TMEFF2: variants seen among roughly 807,000 people sequenced by gnomAD.
The protein encoded by TMEFF2 is transmembrane protein with EGF like and two follistatin like domains 2, also known as tomoregulin-2.
In TMEFF2, 28 loss-of-function variants were observed where a neutral mutation model predicts 53.8. That is an observed-to-expected ratio of 0.52 (90% CI 0.39 to 0.71). TMEFF2 has a LOEUF of 0.71. TMEFF2 is among the 30% of genes least tolerant of loss of function. The pLI, the probability that TMEFF2 is intolerant of heterozygous loss-of-function variation, is 0.00. For synonymous variants in TMEFF2, 162 were observed against 166.3 expected (o/e 0.97, Z 0.20); for missense variants, 353 against 455.2 (o/e 0.78, Z 2.04).
chr2:192,050,642 G>A (rs1294869908), intron 5 of TMEFF2, among the ~76,000 whole-genome samples: 1 of 152,104 alleles, frequency 6.6e-6, no homozygotes, highest in Non-Finnish European at 1.5e-5. Context: ...GCAGAGAGAA[G>A]TTTGGATTGC....
chr2:191,971,858 G>A (rs919882125), intron 7 of TMEFF2, among the ~76,000 whole-genome samples: 15 of 152,124 alleles, frequency 9.9e-5, no homozygotes, highest in African/African-American at 3.4e-4. Context: ...GGAAAAAATA[G>A]GGTGCTCAGA....
chr2:192,034,174 CAAAAAAAA>C (rs5837274), intron 5 of TMEFF2, among the ~76,000 whole-genome samples: 2 of 105,360 alleles, frequency 1.9e-5, no homozygotes, highest in South Asian at 3.4e-4. Flanking sequence ...GACTCCATTT[CAAAAAAAA>C]AAAAAAAAAA....
At chr2:192,115,449 C>G in intron 4 of TMEFF2, among the ~76,000 whole-genome samples, 1 of 151,780 alleles carries the variant, frequency 6.6e-6, no homozygotes. Context: ...GATAGAACAC[C>G]AAAAGCACAG....
intron 4 of TMEFF2, among the ~76,000 whole-genome samples, chr2:192,069,487 G>A (rs1028845010): frequency 6.6e-6 from 1 of 150,844 alleles, no homozygotes; most frequent in Non-Finnish European, 1.5e-5. Flanking sequence ...TATGAAAGAA[G>A]ACATGCCCAT....
chr2:192,131,709 C>T (rs1689835903), intron 4 of TMEFF2, among the ~76,000 whole-genome samples: 2 of 152,144 alleles, frequency 1.3e-5, no homozygotes, highest in Admixed American at 1.3e-4. Flanking sequence ...CTTCCACCTT[C>T]CATTCCTCCT....
chr2:192,112,268 A>G (rs1689299219), intron 4 of TMEFF2, among the ~76,000 whole-genome samples: 1 of 152,190 alleles, frequency 6.6e-6, no homozygotes, highest in African/African-American at 2.4e-5. Context: ...GCAAAGCAAC[A>G]GGGGCAGAGC....
At chr2:191,990,855 C>T (rs1034093768) in intron 7 of TMEFF2, among the ~76,000 whole-genome samples, 1 of 151,602 alleles carries the variant, frequency 6.6e-6, no homozygotes, top group African/African-American at 2.4e-5. Context: ...AACAGAAATA[C>T]ATTTCCATAT....
chr2:192,113,652 T>A (rs1272540100), intron 4 of TMEFF2, among the ~76,000 whole-genome samples: 1 of 152,084 alleles, frequency 6.6e-6, no homozygotes, highest in Non-Finnish European at 1.5e-5. Context: ...TCCCTAGAAA[T>A]AGTAGAGGAA....
intron 4 of TMEFF2, among the ~76,000 whole-genome samples, chr2:192,150,274 C>A (rs796830479): frequency 2.2e-4 from 33 of 151,912 alleles, no homozygotes; most frequent in African/African-American, 8.0e-4. Context: ...AATAATCAGG[C>A]TGACGTTGAC....
intron 5 of TMEFF2, among the ~76,000 whole-genome samples, chr2:192,034,466 G>T (rs1439732956): frequency 3.3e-5 from 5 of 152,038 alleles, no homozygotes; most frequent in Non-Finnish European, 4.4e-5. Flanking sequence ...GAACAAAAAT[G>T]GATTTACCTT....
intron 7 of TMEFF2, among the ~76,000 whole-genome samples, chr2:191,956,857 A>T (rs80044431): frequency 0.011 from 1,751 of 152,346 alleles, 29 homozygotes; most frequent in African/African-American, 0.04. Context: ...AACCGAATGC[A>T]AATTTCAACA....
intron 4 of TMEFF2, among the ~76,000 whole-genome samples, chr2:192,172,427 T>C (rs1420012941): frequency 2.0e-5 from 3 of 151,958 alleles, no homozygotes; most frequent in African/African-American, 7.2e-5. Flanking sequence ...CAGTAAGTAC[T>C]GGCCAGTAGC....
intron 5 of TMEFF2, among the ~76,000 whole-genome samples, chr2:192,001,644 G>T (rs754321603): frequency 6.6e-6 from 1 of 152,088 alleles, no homozygotes; most frequent in Non-Finnish European, 1.5e-5. Context: ...AATCATGGGG[G>T]CAGGTATTTC....
chr2:191,972,775 C>T (rs1692686107), intron 7 of TMEFF2, among the ~76,000 whole-genome samples: 1 of 151,984 alleles, frequency 6.6e-6, no homozygotes, highest in Admixed American at 6.6e-5. Flanking sequence ...CTATTTTGTA[C>T]AATGGGAAAA....
chr2:192,007,182 A>G (rs1307931265), intron 5 of TMEFF2, among the ~76,000 whole-genome samples: 1 of 152,200 alleles, frequency 6.6e-6, no homozygotes, highest in Non-Finnish European at 1.5e-5. Flanking sequence ...ATGCTTTAAA[A>G]GGCTTTATTC....
Position 192,194,919 on chromosome 2 carries a change from C to G in TMEFF2, c.-395G>C, listed in dbSNP as rs535815436. The stretch of plus-strand genomic sequence containing the variant: ...CCGGCAGCCGCCTCTCGAGCTCTGC[C>G]GCCCGCATCCCTCTGGCGTTTGGGA... On this transcript the variant is annotated 5_prime_UTR_variant, in exon 1 of 10. Transcript: ENST00000272771. This position sits in a 1 kb window ranked among gnomAD's most constrained non-coding sequence, Gnocchi z 4.2. 1 of 213,844 alleles carries G rather than the reference C, an allele frequency of 4.7e-6. No individual in the cohort carries two copies. The highest frequency in any genetic ancestry group is 5.6e-5 in the Admixed American group (1 of 17,762). 13.2% of individuals were successfully genotyped at this position (213,844 alleles called of 1,614,324 possible).
intron 5 of TMEFF2, among the ~76,000 whole-genome samples, chr2:192,026,622 G>C (rs890019399): frequency 6.6e-6 from 1 of 152,056 alleles, no homozygotes; most frequent in Admixed American, 6.6e-5. Flanking sequence ...TTAAAACACT[G>C]TATTATCTTG....
chr2:192,072,701 A>G (rs988636617), intron 4 of TMEFF2, among the ~76,000 whole-genome samples: 1 of 151,984 alleles, frequency 6.6e-6, no homozygotes, highest in Non-Finnish European at 1.5e-5. Flanking sequence ...CTCTATACTC[A>G]AATGCTTTCT....
intron 4 of TMEFF2, among the ~76,000 whole-genome samples, chr2:192,148,305 A>G (rs1460616815): frequency 5.3e-5 from 8 of 152,020 alleles, no homozygotes; most frequent in Non-Finnish European, 1.2e-4. Context: ...TTGGATCTGA[A>G]AGGTTTCATA....
Sources: gnomAD v4.1 joint callset for allele counts (sites outside exome capture counted in the v4.1 genomes callset) on GRCh38, gnomAD v4.1.1 for gene constraint, Gnocchi (gnomAD v3.1) non-coding constraint, MANE v1.5 for transcripts, NCBI Gene and HGNC (gene_info 2026-07-23, HGNC 2026-07-21) for gene names.